DCAF6: variants seen among roughly 807,000 people sequenced by gnomAD.
DCAF6 encodes DDB1 and CUL4 associated factor 6.
In DCAF6, 54 loss-of-function variants were observed where a neutral mutation model predicts 125.1. That is an observed-to-expected ratio of 0.43 (90% CI 0.35 to 0.54). DCAF6 has a LOEUF of 0.54. Among genes scored for constraint, DCAF6 ranks in the 20% least tolerant of loss-of-function variants. DCAF6 has a pLI of 0.01. For synonymous variants in DCAF6, 371 were observed against 390.4 expected, an observed-to-expected ratio of 0.95 and a Z score of 0.58; for missense variants, 934 against 1,161.7, an observed-to-expected ratio of 0.80 and a Z score of 2.85.
chr1:168,017,171 T>G (rs886723149), intron 11 of DCAF6, among the ~76,000 whole-genome samples: 1 of 151,562 alleles, frequency 6.6e-6, no homozygotes, highest in Non-Finnish European at 1.5e-5. Flanking sequence ...CTTTAACAAT[T>G]AACAAGAAAA....
chr1:167,925,453 A>ATCTATC, the DCAF6 span, among the ~76,000 whole-genome samples: 1 of 110,644 alleles, frequency 9.0e-6, no homozygotes, highest in African/African-American at 3.8e-5. Flanking sequence ...ATATATATAT[A>ATCTATC]TATATATATA....
chr1:168,071,664 A>G (rs1693053139), intron 21 of DCAF6, among the ~76,000 whole-genome samples: 1 of 152,062 alleles, frequency 6.6e-6, no homozygotes, highest in Non-Finnish European at 1.5e-5. Context: ...AGTGGGCTGT[A>G]TTTGCCTATG....
At chr1:167,955,222 A>C (rs1244605662) in intron 2 of DCAF6, among the ~76,000 whole-genome samples, 1 of 152,232 alleles carries the variant, frequency 6.6e-6, no homozygotes, top group Non-Finnish European at 1.5e-5. Flanking sequence ...ATTACAAATA[A>C]AGTTGCCATG....
At chr1:168,054,157 C>G (rs960087922) in intron 17 of DCAF6, among the ~76,000 whole-genome samples, 4 of 152,144 alleles carry the variant, frequency 2.6e-5, no homozygotes, top group Admixed American at 1.3e-4. Context: ...CTAATAGTAT[C>G]TTAGTTCATT....
the DCAF6 span, among the ~76,000 whole-genome samples, chr1:167,913,037 A>G: frequency 2.6e-5 from 4 of 152,230 alleles, no homozygotes; most frequent in African/African-American, 7.2e-5. Context: ...CAAAAGATGT[A>G]GGTTTAATTT....
chr1:167,937,932 A>G (rs1483465973), intron 1 of DCAF6, among the ~76,000 whole-genome samples: 1 of 152,174 alleles, frequency 6.6e-6, no homozygotes, highest in African/African-American at 2.4e-5. Context: ...GCCACTTGCT[A>G]GTTAAAAAGT....
chr1:168,008,022 G>A (rs190450164), intron 10 of DCAF6, among the ~76,000 whole-genome samples: 11 of 129,152 alleles, frequency 8.5e-5, no homozygotes, highest in African/African-American at 1.2e-4. Flanking sequence ...CCAGGCTGGA[G>A]TGCAGTGCAC....
rs571105373 is a variant in DCAF6, at chr1:167,976,404, A to G, written c.438+1389A>G. Among the ~76,000 whole-genome samples the G allele has an allele frequency of 3.1e-3, 467 of 152,310 alleles. 5 individuals are homozygous for G. The highest frequency in any genetic ancestry group is 3.6e-3 in the Non-Finnish European group (246 of 68,014). On this transcript the variant is annotated intron_variant, in intron 4 of 21. Coordinates refer to ENST00000367840, the MANE Select transcript of DCAF6 (RefSeq NM_001198956.2). The stretch of plus-strand genomic sequence containing the variant: ...GAATTGCTTGAACAACCTGGGAGGC[A>G]GAGGTTGCAGTCAGCCAAGACTGCG...
chr1:168,050,680 A>G (rs1689797989), intron 16 of DCAF6, among the ~76,000 whole-genome samples: 1 of 152,200 alleles, frequency 6.6e-6, no homozygotes, highest in Non-Finnish European at 1.5e-5. Flanking sequence ...CTTCTATTCT[A>G]GCTTCAATGA....
the DCAF6 span, among the ~76,000 whole-genome samples, chr1:167,886,356 A>G: frequency 2.0e-5 from 3 of 152,224 alleles, no homozygotes; most frequent in Non-Finnish European, 4.4e-5. Flanking sequence ...AGAAATATAG[A>G]CCAATGGAAT....
At chr1:167,910,111 T>C in the DCAF6 span, among the ~76,000 whole-genome samples, 1 of 152,210 alleles carries the variant, frequency 6.6e-6, no homozygotes, top group South Asian at 2.1e-4. Flanking sequence ...CTGCCAATGC[T>C]CCCAGCCGAA....
chr1:167,960,589 A>G (rs1055916142), intron 2 of DCAF6, among the ~76,000 whole-genome samples: 14 of 152,140 alleles, frequency 9.2e-5, no homozygotes, highest in Admixed American at 8.5e-4. Flanking sequence ...GGCACTTTAT[A>G]GTAAGTCTTG....
At chr1:167,981,541 G>A (rs1223853646) in intron 4 of DCAF6, among the ~76,000 whole-genome samples, 1 of 152,066 alleles carries the variant, frequency 6.6e-6, no homozygotes, top group Non-Finnish European at 1.5e-5. Flanking sequence ...CTCCCTCCCT[G>A]CTCTACTAGT....
chr1:167,876,758 C>T, the DCAF6 span, among the ~76,000 whole-genome samples: 2 of 152,230 alleles, frequency 1.3e-5, no homozygotes, highest in Non-Finnish European at 2.9e-5. Context: ...TGCTGTGTAA[C>T]TTGGCAGAGT....
At chr1:167,873,631 C>T in the DCAF6 span, among the ~76,000 whole-genome samples, 4 of 152,092 alleles carry the variant, frequency 2.6e-5, no homozygotes, top group African/African-American at 9.7e-5. Flanking sequence ...GGTCTACTCC[C>T]CTGTCTAATC....
chr1:167,965,456 A>T (rs1380553257), intron 2 of DCAF6, among the ~76,000 whole-genome samples: 1 of 152,192 alleles, frequency 6.6e-6, no homozygotes, highest in Non-Finnish European at 1.5e-5. Flanking sequence ...TTGTTAAGAA[A>T]GTTAGAGTAC....
chr1:168,011,443 G>T (rs1386578456), intron 10 of DCAF6, among the ~76,000 whole-genome samples: 1 of 152,150 alleles, frequency 6.6e-6, no homozygotes, highest in Non-Finnish European at 1.5e-5. Context: ...AGCATATGAT[G>T]TGGTCTGTGT....
At chr1:168,038,511 A>T (rs780494438) in intron 13 of DCAF6, 23 bp downstream of exon 13, 25 of 1,488,008 alleles carry the variant, frequency 1.7e-5, no homozygotes, top group Non-Finnish European at 2.3e-5. Context: ...TTTTGTAAAG[A>T]TGTTCTTAGC....
At chr1:168,051,112 T>C (rs1352611958) in intron 17 of DCAF6, among the ~76,000 whole-genome samples, 179 bp downstream of exon 17, 1 of 152,236 alleles carries the variant, frequency 6.6e-6, no homozygotes, top group Admixed American at 6.5e-5. Context: ...CTGCATGCAC[T>C]GCATGGGGAT....
Sources: allele counts gnomAD v4.1 joint callset (sites outside exome capture counted in the v4.1 genomes callset), GRCh38; gene constraint gnomAD v4.1.1; transcripts MANE v1.5; gene names NCBI Gene and HGNC (gene_info 2026-07-23, HGNC 2026-07-21).